Variants in MORN1 observed in about 807,000 individuals in gnomAD.
The protein encoded by MORN1 is MORN repeat-containing protein 1.
A neutral mutation model predicts 61.9 loss-of-function variants in MORN1; 67 were observed. The ratio of observed to expected loss-of-function variants is 1.08; its 90% CI spans 0.89 to 1.33. The LOEUF (loss-of-function observed/expected upper bound fraction) is 1.33, where lower values mean the gene tolerates loss of function less well. Among genes scored for constraint, MORN1 ranks in the 40% most tolerant of loss-of-function variants. The probability of loss-of-function intolerance (pLI) is 0.00; values close to 1 mark genes in which losing one functional copy is unlikely to be tolerated. For synonymous variants in MORN1, 301 were observed against 292.0 expected (o/e 1.03, Z -0.31); for missense variants, 752 against 691.2 (o/e 1.09, Z -0.99).
intron 12 of MORN1, among the ~76,000 whole-genome samples, chr1:2,330,105 G>T (rs1447056925): frequency 6.6e-6 from 1 of 152,184 alleles, no homozygotes; most frequent in African/African-American, 2.4e-5. Flanking sequence ...TGCACCCCTC[G>T]GCTGAGCAAG....
chr1:2,384,865 G>C (rs1642453877), intron 6 of MORN1, 113 bp downstream of exon 6: 5 of 850,152 alleles, frequency 5.9e-6, no homozygotes, highest in Non-Finnish European at 7.1e-6. Context: ...GGGAATCGCA[G>C]GGCCTGGCAC....
chr1:2,356,460 T>C (rs943067096), intron 10 of MORN1, among the ~76,000 whole-genome samples: 2 of 152,174 alleles, frequency 1.3e-5, no homozygotes, highest in Non-Finnish European at 2.9e-5. Flanking sequence ...ACCTGCGGCC[T>C]GTGTCCTCCC....
intron 8 of MORN1, among the ~76,000 whole-genome samples, chr1:2,360,981 C>A (rs1383622172): frequency 6.6e-6 from 1 of 152,184 alleles, no homozygotes; most frequent in Non-Finnish European, 1.5e-5. Context: ...GTCTCCAAGT[C>A]ACTGAACTGT....
chr1:2,366,848 CAT>C (rs1642004419), intron 8 of MORN1, among the ~76,000 whole-genome samples: 1 of 152,098 alleles, frequency 6.6e-6, no homozygotes, highest in Non-Finnish European at 1.5e-5. Flanking sequence ...GCAAATCTAT[CAT>C]AGTCAGATAT....
At chr1:2,385,556 G>C (rs1642476317) in intron 5 of MORN1, 12 of 347,942 alleles carry the variant, frequency 3.4e-5, no homozygotes, top group South Asian at 2.5e-4. Context: ...AATCGGGGGG[G>C]GGGGGGATGT....
At chr1:2,370,119 C>T (rs990022424) in intron 8 of MORN1, among the ~76,000 whole-genome samples, 3 of 152,202 alleles carry the variant, frequency 2.0e-5, no homozygotes, top group Admixed American at 6.5e-5. Context: ...GATAGCGTGG[C>T]CCTGGCATAG....
In MORN1 at chr1:2,324,043, C is replaced by T. The variant is rs3737637; in HGVS notation, c.1297+54G>A. Reference sequence around the variant, plus strand: ...CACCTCCAGCCCTGGGCTGCGGCCTCGCCTCTCCAGACAGTGGCACAGCCG... The same window carrying T: ...CACCTCCAGCCCTGGGCTGCGGCCTTGCCTCTCCAGACAGTGGCACAGCCG... On this transcript the variant is annotated intron_variant, in intron 13 of 13. Coordinates refer to ENST00000378531, the MANE Select transcript of MORN1 (RefSeq NM_024848.3). 5.0e-4 allele frequency: 778 copies of T among 1,549,638 alleles called. 5 individuals are homozygous for T. The East Asian group carries it at 0.015, about 29-fold the overall frequency.
At chr1:2,321,912 C>T in intron 13 of MORN1, 11 of 684,186 alleles carry the variant, frequency 1.6e-5, no homozygotes, top group Middle Eastern at 7.4e-4. Flanking sequence ...TCTCAAGCCC[C>T]CACTGCTGAC....
intron 10 of MORN1, among the ~76,000 whole-genome samples, chr1:2,342,859 T>TTTA (rs1205229522): frequency 5.0e-5 from 5 of 100,110 alleles, no homozygotes; most frequent in South Asian, 2.9e-4. Context: ...TTTATTTTAT[T>TTTA]TTATTTTATT....
intron 10 of MORN1, among the ~76,000 whole-genome samples, chr1:2,339,499 G>A (rs912582290): frequency 1.3e-5 from 2 of 152,194 alleles, no homozygotes; most frequent in Admixed American, 6.5e-5. Context: ...AAAGTTGGGG[G>A]TCAGCCTCGT....
chr1:2,389,878 C>T lies in MORN1; in HGVS notation c.148+47G>A, dbSNP rs750185688. 7.0e-6 allele frequency: 11 copies of T among 1,575,964 alleles called. No homozygotes were observed. The Admixed American group carries it at 1.3e-4, about 19-fold the overall frequency. ...CCTCCCGGGGAGAAACTGGTTTCGT[C>T]AGCTGTGGGGCAGCAGCTGCAAGAA... On this transcript the variant is annotated intron_variant, in intron 2 of 13. Transcript: ENST00000378531.
intron 10 of MORN1, among the ~76,000 whole-genome samples, chr1:2,347,310 G>T (rs1165808404): frequency 6.6e-6 from 1 of 152,160 alleles, no homozygotes; most frequent in East Asian, 1.9e-4. Context: ...AATCTAATGT[G>T]CCACGAAGGC....
intron 10 of MORN1, chr1:2,355,270 G>A (rs1327576737): frequency 4.9e-6 from 7 of 1,428,266 alleles, no homozygotes; most frequent in African/African-American, 4.3e-5. Flanking sequence ...ACAAGGGGGC[G>A]CGGGCCGGGC....
At chr1:2,338,618 C>T (rs1641331739) in intron 10 of MORN1, among the ~76,000 whole-genome samples, 1 of 152,216 alleles carries the variant, frequency 6.6e-6, no homozygotes, top group Non-Finnish European at 1.5e-5. Flanking sequence ...CTTCAGACCT[C>T]CACCTGCCAC....
At chr1:2,390,054 C>T in intron 1 of MORN1, 58 bp from the exon 2 acceptor site, 1 of 1,502,724 alleles carries the variant, frequency 6.7e-7, no homozygotes, top group Non-Finnish European at 9.3e-7. Flanking sequence ...GGGATGCTCT[C>T]CAGTGCTGAA....
chr1:2,382,399 A>T (rs905549854), intron 6 of MORN1, among the ~76,000 whole-genome samples: 1 of 152,146 alleles, frequency 6.6e-6, no homozygotes, highest in African/African-American at 2.4e-5. Context: ...TCATGAGCCA[A>T]TGCACCGAAA....
At position 2,357,024 on chromosome 1, in the gene MORN1, C is replaced by A. The variant is rs897129320; in HGVS notation, c.1036+408G>T. Among the ~76,000 whole-genome samples, 1 of 152,156 alleles carries A rather than the reference C, an allele frequency of 6.6e-6. No homozygotes were observed. The highest frequency in any genetic ancestry group is 1.5e-5 in the Non-Finnish European group (1 of 68,014). On this transcript the variant is annotated intron_variant, in intron 10 of 13. Coordinates refer to ENST00000378531, the MANE Select transcript of MORN1 (RefSeq NM_024848.3). The surrounding 1 kb of genome is among the most constrained non-coding windows in gnomAD (Gnocchi z 6.3). ...GAAACCCTGACCTCGAGAGAGCAGTCGGCGCCGCGGCCCCCAGAGCCATGG... is the reference window on the plus strand; with the variant it reads ...GAAACCCTGACCTCGAGAGAGCAGTAGGCGCCGCGGCCCCCAGAGCCATGG...
chr1:2,323,077 G>A (rs2843149), intron 13 of MORN1: 563,437 of 985,172 alleles, frequency 0.57, 161,080 homozygotes, highest in African/African-American at 0.63. Context: ...CTGCGCACAG[G>A]TGCCAGCGCC....
intron 12 of MORN1, among the ~76,000 whole-genome samples, chr1:2,325,621 C>T (rs930664306): frequency 6.8e-6 from 1 of 147,628 alleles, no homozygotes; most frequent in Non-Finnish European, 1.5e-5. Context: ...GTGCTGGGAT[C>T]ACTGCACCTG....
Sources: allele counts gnomAD v4.1 joint callset (sites outside exome capture counted in the v4.1 genomes callset), GRCh38; gene constraint gnomAD v4.1.1; non-coding constraint Gnocchi (gnomAD v3.1); transcripts MANE v1.5; gene names NCBI Gene and HGNC (gene_info 2026-07-23, HGNC 2026-07-21).